Variants in OSBP2 observed in about 807,000 individuals in gnomAD.
The protein encoded by OSBP2 is oxysterol binding protein 2, also known as oxysterol-binding protein 2.
Under a neutral mutation model 96.0 loss-of-function variants are expected in OSBP2, and 66 were observed. The ratio of observed to expected loss-of-function variants is 0.69; its 90% CI spans 0.56 to 0.84. The LOEUF (loss-of-function observed/expected upper bound fraction) is 0.84. Among genes scored for constraint, OSBP2 ranks in the 40% least tolerant of loss-of-function variants. The pLI, the probability that OSBP2 is intolerant of heterozygous loss-of-function variation, is 0.00. For synonymous variants in OSBP2, 525 were observed against 520.9 expected (o/e 1.01, Z -0.11); for missense variants, 1,038 against 1,222.7 (o/e 0.85, Z 2.25).
At chr22:30,753,560 C>T (rs998707584) in intron 2 of OSBP2, among the ~76,000 whole-genome samples, 2 of 152,056 alleles carry the variant, frequency 1.3e-5, no homozygotes, top group Non-Finnish European at 2.9e-5. Flanking sequence ...CTCCATCTGG[C>T]CAGGAAGGTG....
At chr22:30,802,984 G>C (rs1039889393) in intron 2 of OSBP2, 17 of 154,920 alleles carry the variant, frequency 1.1e-4, no homozygotes, top group Non-Finnish European at 2.2e-4. Flanking sequence ...CGGAGCCGCC[G>C]GGCAGCACAC....
upstream of OSBP2, chr22:30,694,051 C>T: frequency 6.5e-7 from 1 of 1,540,090 alleles, no homozygotes; most frequent in Non-Finnish European, 8.7e-7. Context: ...TATGGACCTA[C>T]TCTGGAAAAA....
intron 2 of OSBP2, among the ~76,000 whole-genome samples, chr22:30,747,478 C>T (rs1204639569): frequency 6.6e-6 from 1 of 152,010 alleles, no homozygotes; most frequent in African/African-American, 2.4e-5. Flanking sequence ...AATGCCTTGT[C>T]CCCAAAAATA....
intron 5 of OSBP2, among the ~76,000 whole-genome samples, chr22:30,888,889 T>C (rs1246181639): frequency 6.6e-6 from 1 of 152,232 alleles, no homozygotes; most frequent in Non-Finnish European, 1.5e-5. Context: ...AACATGTGAC[T>C]GTACTGAATA....
At chr22:30,738,560 C>CTT (rs890077453) in intron 1 of OSBP2, among the ~76,000 whole-genome samples, 2 of 145,446 alleles carry the variant, frequency 1.4e-5, no homozygotes, top group Admixed American at 6.9e-5. Context: ...AGACAAATGT[C>CTT]TTTTTTTTTT....
intron 2 of OSBP2, among the ~76,000 whole-genome samples, chr22:30,846,083 G>T (rs545185305): frequency 1.2e-4 from 18 of 151,872 alleles, no homozygotes; most frequent in Non-Finnish European, 2.6e-4. Flanking sequence ...GGGATTGCTG[G>T]GTTATATAAT....
intron 2 of OSBP2, among the ~76,000 whole-genome samples, chr22:30,782,072 G>A (rs951482758): frequency 2.6e-5 from 4 of 152,170 alleles, no homozygotes; most frequent in African/African-American, 9.7e-5. Context: ...CTTGAACCCA[G>A]GAGGTGGAGG....
At chr22:30,748,436 AC>A (rs1482309165) in intron 2 of OSBP2, among the ~76,000 whole-genome samples, 2 of 152,068 alleles carry the variant, frequency 1.3e-5, no homozygotes, top group Non-Finnish European at 2.9e-5. Context: ...CCTCAATAGA[AC>A]CTAAGTTCCT....
At chr22:30,748,330 C>T (rs1252901530) in intron 2 of OSBP2, among the ~76,000 whole-genome samples, 1 of 152,180 alleles carries the variant, frequency 6.6e-6, no homozygotes, top group African/African-American at 2.4e-5. Context: ...CTCAGCCTCC[C>T]AAAGTGCTGG....
intron 1 of OSBP2, among the ~76,000 whole-genome samples, chr22:30,716,721 AGCCACCAT>A (rs1220806096): frequency 2.0e-5 from 3 of 152,170 alleles, no homozygotes; most frequent in African/African-American, 7.2e-5. Context: ...TACAGGTGTG[AGCCACCAT>A]GCCTAGCCCC....
chr22:30,896,955 A>T (rs1186330146), intron 12 of OSBP2, among the ~76,000 whole-genome samples: 2 of 152,172 alleles, frequency 1.3e-5, no homozygotes, highest in African/African-American at 4.8e-5. Context: ...GCCTAACTGG[A>T]TGTGTTAAAA....
At chr22:30,829,385 C>T (rs539341923) in intron 2 of OSBP2, among the ~76,000 whole-genome samples, 3 of 152,178 alleles carry the variant, frequency 2.0e-5, no homozygotes, top group Non-Finnish European at 4.4e-5. Flanking sequence ...CTCTGCCTCC[C>T]GGGTTCAAGC....
Position 30,902,217 on chromosome 22 carries a change from C to T in OSBP2, c.2376-3620C>T, listed in dbSNP as rs1485801181. 10 of 1,397,838 alleles carry T rather than the reference C, an allele frequency of 7.2e-6. No individual in the cohort carries two copies. In the East Asian group the frequency reaches 2.3e-4, roughly 33 times the overall value. The allele number at this position is 1,397,838 out of a possible 1,614,324, so 86.6% of individuals were successfully genotyped here. On this transcript the variant is annotated intron_variant, in intron 12 of 13. Coordinates refer to ENST00000332585, the MANE Select transcript of OSBP2 (RefSeq NM_030758.4). Reference sequence around the variant, plus strand: ...TAGCCAGAAGGAGTCGCTCACAGAGCCCCACACACAGCATATGTAGGGAAT... The same window carrying T: ...TAGCCAGAAGGAGTCGCTCACAGAGTCCCACACACAGCATATGTAGGGAAT...
rs543702119 is a variant in OSBP2, at chr22:30,906,219, G to A, written c.2631G>A (p.Thr877=). Residue 877 remains threonine, a synonymous_variant, in exon 14 of 14, where the codon ACG becomes ACA. Transcript: ENST00000332585. ...CAGAGAAGGAGGCGGATGCCTACACGCCACTGTGGTTTGAGAAGAGGCTGG... is the reference window on the plus strand; with the variant it reads ...CAGAGAAGGAGGCGGATGCCTACACACCACTGTGGTTTGAGAAGAGGCTGG... ...SEEEKEADAY[T]PLWFEKRLDP... 12 of 1,614,146 alleles carry A rather than the reference G, an allele frequency of 7.4e-6. No homozygotes were observed. Among genetic ancestry groups the A allele is most frequent in the Admixed American group, 5.0e-5 (3 of 60,032 alleles).
At chr22:30,875,993 A>G (rs1038342951) in intron 3 of OSBP2, among the ~76,000 whole-genome samples, 2 of 152,228 alleles carry the variant, frequency 1.3e-5, no homozygotes, top group Admixed American at 1.3e-4. Flanking sequence ...GCCAGCTCAC[A>G]TGCCCACTTT....
At chr22:30,845,657 G>C (rs1457429045) in intron 2 of OSBP2, among the ~76,000 whole-genome samples, 1 of 151,766 alleles carries the variant, frequency 6.6e-6, no homozygotes, top group Non-Finnish European at 1.5e-5. Flanking sequence ...GCCGAGGTGA[G>C]CAGATCATGA....
intron 2 of OSBP2, among the ~76,000 whole-genome samples, chr22:30,747,830 C>T (rs1169454176): frequency 6.6e-6 from 1 of 152,216 alleles, no homozygotes; most frequent in African/African-American, 2.4e-5. Flanking sequence ...GAGACATCTC[C>T]ATTATAGCAC....
At chr22:30,730,967 G>T (rs2089769600) in intron 1 of OSBP2, among the ~76,000 whole-genome samples, 1 of 150,250 alleles carries the variant, frequency 6.7e-6, no homozygotes, top group Non-Finnish European at 1.5e-5. Flanking sequence ...GAGGTCAGGA[G>T]ATCGAGACCA....
At chr22:30,779,336 G>T (rs934913418) in intron 2 of OSBP2, among the ~76,000 whole-genome samples, 1 of 150,792 alleles carries the variant, frequency 6.6e-6, no homozygotes, top group African/African-American at 2.4e-5. Flanking sequence ...CCTGACCTCA[G>T]GTGATCTGCC....
Sources: allele counts gnomAD v4.1 joint callset (sites outside exome capture counted in the v4.1 genomes callset), GRCh38; gene constraint gnomAD v4.1.1; transcripts MANE v1.5; gene names NCBI Gene and HGNC (gene_info 2026-07-23, HGNC 2026-07-21).